Variants in HMGCLL1 observed in about 807,000 individuals in gnomAD.
HMGCLL1 encodes the protein 3-hydroxy-3-methylglutaryl-CoA lyase like 1.
Under a neutral mutation model 39.1 loss-of-function variants are expected in HMGCLL1, and 36 were observed. The observed-to-expected ratio is 0.92, with a 90% CI of 0.71 to 1.22. The LOEUF is 1.22. Ranked by LOEUF, HMGCLL1 falls within the 50% of genes most tolerant of loss-of-function variation. HMGCLL1 has a pLI of 0.00. For missense variants in HMGCLL1, 451 were observed against 416.5 expected (o/e 1.08, Z -0.72); for synonymous variants, 149 against 144.0 (o/e 1.03, Z -0.25).
At chr6:55,621,564 C>T in the HMGCLL1 span, among the ~76,000 whole-genome samples, 4 of 151,794 alleles carry the variant, frequency 2.6e-5, no homozygotes, top group East Asian at 7.7e-4. Context: ...CCTTATGAGA[C>T]TCTAATGCCT....
At chr6:55,608,526 T>A in the HMGCLL1 span, among the ~76,000 whole-genome samples, 1 of 152,222 alleles carries the variant, frequency 6.6e-6, no homozygotes, top group African/African-American at 2.4e-5. Context: ...CAAAATTAAT[T>A]TTAGGGCAGC....
In HMGCLL1 at chr6:55,477,381, TTATCTAAATATAATA is replaced by T. The variant is rs1765480424; in HGVS notation, c.795+18023_795+18037del. Among the ~76,000 whole-genome samples the T allele has an allele frequency of 1.4e-4, 5 of 36,952 alleles. 2 individuals are homozygous for T. Among genetic ancestry groups the T allele is most frequent in the Non-Finnish European group, 1.3e-4 (3 of 23,062 alleles). The allele number at this position is 36,952 out of a possible 152,430, so 24.2% of individuals were successfully genotyped here. A position where few individuals can be genotyped will look rare whatever the true frequency, so the allele number is the denominator to read the frequency against. On this transcript the variant is annotated intron_variant, in intron 7 of 8. Coordinates refer to ENST00000274901, the MANE Select transcript of HMGCLL1 (RefSeq NM_001042406.2). Reference sequence around the variant, plus strand: ...ATATATTATATTAATATAATATATATTATCTAAATATAATATATATTATCTAAATATATATTATCT... The same window carrying T: ...ATATATTATATTAATATAATATATATTATATTATCTAAATATATATTATCT...
chr6:55,662,517 T>C, the HMGCLL1 span, among the ~76,000 whole-genome samples: 8,358 of 151,974 alleles, frequency 0.055, 391 homozygotes, highest in Non-Finnish European at 0.077. Context: ...TAACCTTGCA[T>C]CCCAGGGATA....
At chr6:55,459,519 T>C (rs550986752) in intron 7 of HMGCLL1, among the ~76,000 whole-genome samples, 4 of 151,982 alleles carry the variant, frequency 2.6e-5, no homozygotes, top group Non-Finnish European at 5.9e-5. Flanking sequence ...TAATAGCAGG[T>C]TCCTGTTTAC....
At chr6:55,604,822 T>TCACA in the HMGCLL1 span, among the ~76,000 whole-genome samples, 7 of 152,176 alleles carry the variant, frequency 4.6e-5, no homozygotes, top group Non-Finnish European at 1.0e-4. Context: ...TCCCCAACAT[T>TCACA]CACACAGTGG....
chr6:55,607,631 G>T, the HMGCLL1 span, among the ~76,000 whole-genome samples: 3 of 152,282 alleles, frequency 2.0e-5, no homozygotes, highest in African/African-American at 7.2e-5. Flanking sequence ...CAATGCCAAA[G>T]ATCATTCTAA....
the HMGCLL1 span, among the ~76,000 whole-genome samples, chr6:55,618,466 A>G: frequency 1.8e-4 from 28 of 152,216 alleles, no homozygotes; most frequent in African/African-American, 6.5e-4. Flanking sequence ...TTGGATATGA[A>G]TAATAAACAT....
At chr6:55,479,019 G>A (rs1425080052) in intron 7 of HMGCLL1, among the ~76,000 whole-genome samples, 1 of 151,412 alleles carries the variant, frequency 6.6e-6, no homozygotes, top group African/African-American at 2.4e-5. Context: ...CCTACCATCT[G>A]CCAGTGAATT....
upstream of HMGCLL1, among the ~76,000 whole-genome samples, chr6:55,580,751 A>G (rs1771970848): frequency 1.3e-5 from 2 of 152,028 alleles, no homozygotes; most frequent in Non-Finnish European, 2.9e-5. Flanking sequence ...TGAACTGCTA[A>G]AGTGAAGTTA....
chr6:55,455,767 G>T (rs1006966823), intron 7 of HMGCLL1, among the ~76,000 whole-genome samples: 5 of 152,148 alleles, frequency 3.3e-5, no homozygotes, highest in Non-Finnish European at 7.4e-5. Context: ...TGATAGCCTT[G>T]CCACTGAAGT....
chr6:55,559,164 C>T (rs962439459), intron 1 of HMGCLL1, among the ~76,000 whole-genome samples: 5 of 152,102 alleles, frequency 3.3e-5, no homozygotes, highest in Admixed American at 1.3e-4. Context: ...TTAAATGAGA[C>T]TTTTTGTTCC....
the HMGCLL1 span, among the ~76,000 whole-genome samples, chr6:55,637,984 AAAACTCACT>A: frequency 6.6e-6 from 1 of 152,156 alleles, no homozygotes; most frequent in African/African-American, 2.4e-5. Flanking sequence ...TTGAAACTAC[AAAACTCACT>A]TTGAACATGA....
the HMGCLL1 span, among the ~76,000 whole-genome samples, chr6:55,649,475 C>A: frequency 9.4e-5 from 14 of 148,888 alleles, no homozygotes; most frequent in Non-Finnish European, 2.1e-4. Context: ...TATATTATTT[C>A]TTTCTTTTTT....
the HMGCLL1 span, among the ~76,000 whole-genome samples, chr6:55,597,512 TG>T: frequency 2.7e-5 from 4 of 150,256 alleles, no homozygotes; most frequent in Non-Finnish European, 4.4e-5. Flanking sequence ...CATATTAAGA[TG>T]TTAAAAAAAA....
At chr6:55,579,734 G>C, upstream of HMGCLL1, among the ~76,000 whole-genome samples, 1 of 152,132 alleles carries the variant, frequency 6.6e-6, no homozygotes, top group Non-Finnish European at 1.5e-5. Context: ...CTGCGGTTAA[G>C]CGCTGAAATG....
intron 1 of HMGCLL1, among the ~76,000 whole-genome samples, chr6:55,542,849 A>C (rs1389232573): frequency 7.2e-6 from 1 of 138,176 alleles, no homozygotes; most frequent in African/African-American, 2.7e-5. Flanking sequence ...TTATATATAA[A>C]TATATATATA....
At chr6:55,435,948 T>A (rs1763353236) in intron 8 of HMGCLL1, among the ~76,000 whole-genome samples, 185 bp from the exon 9 acceptor site, 1 of 152,052 alleles carries the variant, frequency 6.6e-6, no homozygotes, top group African/African-American at 2.4e-5. Context: ...ACATTTTAGA[T>A]TTGTCTGCTT....
intron 5 of HMGCLL1, among the ~76,000 whole-genome samples, chr6:55,509,432 T>C (rs1767326986): frequency 6.6e-6 from 1 of 151,866 alleles, no homozygotes; most frequent in African/African-American, 2.4e-5. Context: ...ACTGCTATTA[T>C]CTTCAGGGTC....
intron 7 of HMGCLL1, among the ~76,000 whole-genome samples, chr6:55,488,040 C>A (rs931793554): frequency 6.6e-6 from 1 of 152,050 alleles, no homozygotes; most frequent in Non-Finnish European, 1.5e-5. Flanking sequence ...TACATACACA[C>A]ACACATACAA....
Sources: gnomAD v4.1 joint callset for allele counts (sites outside exome capture counted in the v4.1 genomes callset) on GRCh38, gnomAD v4.1.1 for gene constraint, MANE v1.5 for transcripts, NCBI Gene and HGNC (gene_info 2026-07-23, HGNC 2026-07-21) for gene names.